The following MEOX2 variants were observed in gnomAD, a reference collection of about 807,000 sequenced individuals.
MEOX2 encodes the protein homeobox protein MOX-2.
MEOX2 carries 11 observed loss-of-function variants against 27.0 expected under a neutral mutation model. The ratio of observed to expected loss-of-function variants is 0.41; its 90% CI spans 0.26 to 0.68. The LOEUF is 0.68. Among genes scored for constraint, MEOX2 ranks in the 30% least tolerant of loss-of-function variants. MEOX2 has a pLI of 0.33. For synonymous variants in MEOX2, 189 were observed against 155.4 expected (o/e 1.22, Z -1.61); for missense variants, 436 against 385.4 (o/e 1.13, Z -1.10).
intron 1 of MEOX2, among the ~76,000 whole-genome samples, chr7:15,652,951 T>C (rs545222138): frequency 2.6e-5 from 4 of 152,170 alleles, no homozygotes; most frequent in Admixed American, 6.5e-5. Context: ...CATGCACAGA[T>C]ATTTGTATAA....
intron 1 of MEOX2, among the ~76,000 whole-genome samples, chr7:15,627,843 T>C (rs944139107): frequency 4.9e-5 from 2 of 40,606 alleles, no homozygotes; most frequent in East Asian, 1.6e-3. Flanking sequence ...TAAAAAGTAA[T>C]CATACCCAGC....
chr7:15,617,801 T>C (rs1009726451), intron 2 of MEOX2, among the ~76,000 whole-genome samples: 2 of 152,132 alleles, frequency 1.3e-5, no homozygotes, highest in African/African-American at 4.8e-5. Context: ...TAATTTTTAG[T>C]TCTGAAGCCT....
At chr7:15,616,664 T>C (rs1781128443) in intron 2 of MEOX2, among the ~76,000 whole-genome samples, 1 of 151,930 alleles carries the variant, frequency 6.6e-6, no homozygotes, top group Non-Finnish European at 1.5e-5. Context: ...TACTAAAAAA[T>C]AAGTATTTGA....
chr7:15,670,162 T>G (rs78081260), intron 1 of MEOX2, among the ~76,000 whole-genome samples: 6,412 of 152,364 alleles, frequency 0.042, 212 homozygotes, highest in Non-Finnish European at 0.059. Context: ...TTCATATTTC[T>G]GATTTTGCTT....
At chr7:15,617,224 G>A (rs1781138147) in intron 2 of MEOX2, among the ~76,000 whole-genome samples, 1 of 151,998 alleles carries the variant, frequency 6.6e-6, no homozygotes, top group African/African-American at 2.4e-5. Context: ...TAAACATCTG[G>A]GATTTGTAGA....
intron 1 of MEOX2, among the ~76,000 whole-genome samples, chr7:15,631,950 A>G (rs559076762): frequency 1.9e-5 from 1 of 53,610 alleles, no homozygotes; most frequent in East Asian, 4.3e-4. Flanking sequence ...AGAGAGAGAG[A>G]GAGGAGAAAA....
chr7:15,659,758 CAAAA>C (rs58319551), intron 1 of MEOX2, among the ~76,000 whole-genome samples: 38 of 54,210 alleles, frequency 7.0e-4, no homozygotes, highest in African/African-American at 1.9e-3. Flanking sequence ...AGACTGCTCT[CAAAA>C]AAAAAAAAAA....
rs1360003634 is a variant in MEOX2 at position 15,612,447 on chromosome 7, G to C, written c.855C>G (p.Asp285Glu). Residue 285 changes from aspartate to glutamate, a missense_variant, in exon 3 of 3, where the codon GAC (aspartate) becomes GAG (glutamate). Asp to Glu is a conservative substitution (Grantham distance 45). Transcript: ENST00000262041. Reference protein sequence around the residue: ...IGAATLQQTGDSIANEDSHDS... With the variant: ...IGAATLQQTGESIANEDSHDS... ...CGTGACTGTCTTCATTTGCTATAGA[G>C]TCCCCTGTTTGCTGGAGGGTGGCTG... The C allele has an allele frequency of 6.2e-7, 1 of 1,614,042 alleles. No individual in the cohort carries two copies. The highest frequency in any genetic ancestry group is 1.3e-5 in the African/African-American group (1 of 74,912).
chr7:15,659,740 A>G (rs1378718605), intron 1 of MEOX2, among the ~76,000 whole-genome samples: 2 of 143,446 alleles, frequency 1.4e-5, no homozygotes, highest in African/African-American at 2.7e-5. Flanking sequence ...AGCCTGGGTG[A>G]CAGAGCGAGA....
intron 1 of MEOX2, among the ~76,000 whole-genome samples, chr7:15,629,130 T>G (rs1201403399): frequency 1.3e-5 from 2 of 152,136 alleles, no homozygotes; most frequent in African/African-American, 4.8e-5. Flanking sequence ...TATGTAAGCA[T>G]GAATGAACAA....
At chr7:15,638,575 T>C (rs991420617) in intron 1 of MEOX2, among the ~76,000 whole-genome samples, 4 of 152,076 alleles carry the variant, frequency 2.6e-5, no homozygotes, top group Non-Finnish European at 5.9e-5. Flanking sequence ...AGGTTTGGGC[T>C]TCTAGTGAAC....
At chr7:15,662,072 C>T (rs1315305296) in intron 1 of MEOX2, among the ~76,000 whole-genome samples, 1 of 94,162 alleles carries the variant, frequency 1.1e-5, no homozygotes, top group African/African-American at 4.3e-5. Context: ...AGTGTTCCCC[C>T]ACCCCCCACC....
intron 1 of MEOX2, among the ~76,000 whole-genome samples, chr7:15,645,627 C>T (rs535651978): frequency 4.6e-4 from 70 of 152,162 alleles, no homozygotes; most frequent in South Asian, 1.0e-3. Context: ...GTAAAAAACA[C>T]CCTTGGTAGT....
chr7:15,676,477 A>T (rs892925277), intron 1 of MEOX2, among the ~76,000 whole-genome samples: 20 of 152,172 alleles, frequency 1.3e-4, no homozygotes, highest in African/African-American at 4.6e-4. Flanking sequence ...TAACAGCTAA[A>T]ACAGAGACCC....
intron 1 of MEOX2, among the ~76,000 whole-genome samples, chr7:15,649,418 A>G (rs1160405397): frequency 6.6e-6 from 1 of 152,104 alleles, no homozygotes; most frequent in Non-Finnish European, 1.5e-5. Flanking sequence ...AAGAGATAGA[A>G]GCATCTATGG....
chr7:15,664,096 C>A (rs1357564307), intron 1 of MEOX2, among the ~76,000 whole-genome samples: 3 of 152,086 alleles, frequency 2.0e-5, no homozygotes, highest in Non-Finnish European at 4.4e-5. Flanking sequence ...CAAATATGAA[C>A]TACAGTTGGC....
chr7:15,681,504 A>G (rs1782291404), intron 1 of MEOX2: 1 of 151,836 alleles, frequency 6.6e-6, no homozygotes, highest in African/African-American at 2.4e-5. Flanking sequence ...ATTTCATTAC[A>G]TATGGAATTC....
At chr7:15,624,094 G>A (rs1781260384) in intron 2 of MEOX2, among the ~76,000 whole-genome samples, 1 of 152,110 alleles carries the variant, frequency 6.6e-6, no homozygotes, top group South Asian at 2.1e-4. Context: ...TATGCCTTGG[G>A]GAGATTGTTA....
At chr7:15,637,680 T>C (rs945366914) in intron 1 of MEOX2, among the ~76,000 whole-genome samples, 1 of 152,074 alleles carries the variant, frequency 6.6e-6, no homozygotes, top group African/African-American at 2.4e-5. Flanking sequence ...GCTCTATAAC[T>C]TGTACAGTTC....
Sources: allele counts gnomAD v4.1 joint callset (sites outside exome capture counted in the v4.1 genomes callset), GRCh38; gene constraint gnomAD v4.1.1; transcripts MANE v1.5; gene names NCBI Gene and HGNC (gene_info 2026-07-23, HGNC 2026-07-21).